Variants in ADGRA1 observed in about 807,000 individuals in gnomAD.
ADGRA1 encodes the protein adhesion G protein-coupled receptor A1.
ADGRA1 carries 12 observed loss-of-function variants against 21.3 expected under a neutral mutation model. The ratio of observed to expected loss-of-function variants is 0.56; its 90% CI spans 0.36 to 0.91. ADGRA1 has a LOEUF of 0.91. Among genes scored for constraint, ADGRA1 ranks in the 40% least tolerant of loss-of-function variants. The pLI, the probability that ADGRA1 is intolerant of heterozygous loss-of-function variation, is 0.01. For missense variants in ADGRA1, 790 were observed against 805.6 expected (o/e 0.98, Z 0.23); for synonymous variants, 385 against 368.8 (o/e 1.04, Z -0.50).
intron 5 of ADGRA1, among the ~76,000 whole-genome samples, chr10:133,111,043 C>G (rs116047435): frequency 0.014 from 2,120 of 152,168 alleles, 60 homozygotes; most frequent in African/African-American, 0.048. Flanking sequence ...GCCACCTGCC[C>G]ACCAGGGACA....
chr10:133,127,159 G>C (rs374432125), intron 5 of ADGRA1, 74 bp from the exon 6 acceptor site: 5 of 938,296 alleles, frequency 5.3e-6, no homozygotes, highest in East Asian at 3.2e-5. Context: ...CCCGCGGAGT[G>C]GGGGAGGGAC....
At chr10:133,124,683 G>T (rs1183356488) in intron 5 of ADGRA1, among the ~76,000 whole-genome samples, 2 of 152,252 alleles carry the variant, frequency 1.3e-5, no homozygotes, top group Non-Finnish European at 2.9e-5. Context: ...CCCTACCCTG[G>T]TTGGGGCTTG....
At chr10:133,127,197 C>CGTCTGCAAGGGGGTCAACGCCT in intron 5 of ADGRA1, 36 bp from the exon 6 acceptor site, 1 of 1,390,520 alleles carries the variant, frequency 7.2e-7, no homozygotes, top group Non-Finnish European at 9.8e-7. Flanking sequence ...ATGCAGGCGG[C>CGTCTGCAAGGGGGTCAACGCCT]GTCTGCAAGG....
chr10:133,112,363 CTGCGGGCCGTGTCGGT>C (rs1408470955), intron 5 of ADGRA1, among the ~76,000 whole-genome samples: 7 of 151,470 alleles, frequency 4.6e-5, no homozygotes, highest in Admixed American at 1.3e-4. Flanking sequence ...TATTTGGGGT[CTGCGGGCCGTGTCGGT>C]TATTTGGGGT....
intron 2 of ADGRA1, chr10:133,093,258 G>T: frequency 6.3e-7 from 1 of 1,579,882 alleles, no homozygotes; most frequent in Non-Finnish European, 8.6e-7. Context: ...GCTGCAGAAA[G>T]GTTAAGTTTT....
chr10:133,115,791 T>A (rs2135897651), intron 5 of ADGRA1, among the ~76,000 whole-genome samples: 1 of 152,230 alleles, frequency 6.6e-6, no homozygotes, highest in East Asian at 1.9e-4. Context: ...CCACGTTCCC[T>A]TGTCCTCTGA....
intron 2 of ADGRA1, chr10:133,093,055 T>G: frequency 6.3e-7 from 1 of 1,589,930 alleles, no homozygotes. Flanking sequence ...CACCTCACTG[T>G]GTAGGAAAGA....
At chr10:133,107,509 G>A (rs912194355) in intron 5 of ADGRA1, among the ~76,000 whole-genome samples, 5 of 152,054 alleles carry the variant, frequency 3.3e-5, no homozygotes, top group African/African-American at 9.7e-5. Flanking sequence ...TCTCAGCTCT[G>A]GTCTTTATTA....
At chr10:133,098,539 C>T (rs934804172) in intron 3 of ADGRA1, 101 bp from the exon 4 acceptor site, 9 of 1,442,354 alleles carry the variant, frequency 6.2e-6, no homozygotes, top group African/African-American at 2.8e-5. Context: ...ACGGAGAGCC[C>T]GGACTTCCCG....
intron 5 of ADGRA1, among the ~76,000 whole-genome samples, chr10:133,103,494 C>A (rs1347022557): frequency 6.6e-6 from 1 of 152,224 alleles, no homozygotes; most frequent in South Asian, 2.1e-4. Context: ...GCCGCCCCGG[C>A]GGCCTGCACC....
chr10:133,106,739 C>T (rs986703573), intron 5 of ADGRA1, among the ~76,000 whole-genome samples: 1 of 152,258 alleles, frequency 6.6e-6, no homozygotes, highest in Non-Finnish European at 1.5e-5. Flanking sequence ...ACAGAGTGTG[C>T]AGCATGCTTC....
intron 5 of ADGRA1, among the ~76,000 whole-genome samples, chr10:133,126,935 G>A (rs1852385547): frequency 6.6e-6 from 1 of 152,184 alleles, no homozygotes; most frequent in South Asian, 2.1e-4. Flanking sequence ...TGTAGCCAGG[G>A]GCTCCCTGCA....
chr10:133,094,440 A>C (rs943557699), intron 2 of ADGRA1, among the ~76,000 whole-genome samples: 1 of 152,204 alleles, frequency 6.6e-6, no homozygotes, highest in Non-Finnish European at 1.5e-5. Context: ...CTCCGCCCAC[A>C]GTGGCACCGC....
intron 2 of ADGRA1, among the ~76,000 whole-genome samples, chr10:133,089,396 C>T (rs1027008814): frequency 3.9e-5 from 6 of 152,234 alleles, no homozygotes; most frequent in Non-Finnish European, 7.3e-5. Flanking sequence ...GAGAAGGCGG[C>T]CGCGCACACG....
intron 5 of ADGRA1, among the ~76,000 whole-genome samples, chr10:133,115,561 A>G (rs1267158328): frequency 6.6e-6 from 1 of 152,204 alleles, no homozygotes; most frequent in African/African-American, 2.4e-5. Flanking sequence ...AAGGGCGCGC[A>G]GTGCTAGCCA....
chr10:133,089,868 T>C (rs2135860763), intron 2 of ADGRA1, among the ~76,000 whole-genome samples: 1 of 152,322 alleles, frequency 6.6e-6, no homozygotes, highest in Non-Finnish European at 1.5e-5. Flanking sequence ...TTCAGACACC[T>C]GACAAGGTTG....
At chr10:133,095,798 C>T in intron 2 of ADGRA1, 5 of 1,597,084 alleles carry the variant, frequency 3.1e-6, no homozygotes, top group Non-Finnish European at 4.2e-6. Context: ...TGCCTCTGCC[C>T]ATGGCCCTTC....
At chr10:133,091,360 G>A (rs1851593225) in intron 2 of ADGRA1, among the ~76,000 whole-genome samples, 1 of 152,206 alleles carries the variant, frequency 6.6e-6, no homozygotes, top group South Asian at 2.1e-4. Flanking sequence ...GATGGGCGGT[G>A]TGGCTGGTGC....
chr10:133,128,195 C>T, intron 6 of ADGRA1, 134 bp from the exon 7 acceptor site: 1 of 625,050 alleles, frequency 1.6e-6, no homozygotes, highest in East Asian at 3.1e-5. Flanking sequence ...TCTAGAAACG[C>T]CCAAGGCCCC....
Sources: allele counts gnomAD v4.1 joint callset (sites outside exome capture counted in the v4.1 genomes callset), GRCh38; gene constraint gnomAD v4.1.1; transcripts MANE v1.5; gene names NCBI Gene and HGNC (gene_info 2026-07-23, HGNC 2026-07-21).